ELL: variants seen among roughly 807,000 people sequenced by gnomAD.
The protein encoded by ELL is RNA polymerase II elongation factor ELL.
ELL carries 18 observed loss-of-function variants against 64.0 expected under a neutral mutation model. The observed-to-expected ratio is 0.28, with a 90% CI of 0.19 to 0.42. The LOEUF (loss-of-function observed/expected upper bound fraction) is 0.42. Ranked by LOEUF, ELL falls within the 10% of genes least tolerant of loss-of-function variation. The pLI, the probability that ELL is intolerant of heterozygous loss-of-function variation, is 1.00. For synonymous variants in ELL, 399 were observed against 376.2 expected (o/e 1.06, Z -0.70); for missense variants, 797 against 870.4 (o/e 0.92, Z 1.06).
intron 5 of ELL, among the ~76,000 whole-genome samples, chr19:18,458,892 G>A (rs1337971304): frequency 2.6e-5 from 4 of 152,146 alleles, no homozygotes; most frequent in Non-Finnish European, 4.4e-5. Context: ...CTCCCAATGT[G>A]CTGGGATTCC....
chr19:18,445,499 T>TCCCC (rs1334452995), intron 10 of ELL: 15 of 180,468 alleles, frequency 8.3e-5, no homozygotes, highest in Non-Finnish European at 1.4e-4. Context: ...GGCACTGCTG[T>TCCCC]TGTGGGGGCG....
chr19:18,451,080 A>G, intron 7 of ELL, 105 bp from the exon 8 acceptor site: 1 of 1,386,906 alleles, frequency 7.2e-7, no homozygotes. Context: ...TGCAAGGCCC[A>G]CGCTGGCCAC....
intron 1 of ELL, among the ~76,000 whole-genome samples, chr19:18,494,307 G>T (rs1238762850): frequency 6.6e-6 from 1 of 152,126 alleles, no homozygotes; most frequent in Non-Finnish European, 1.5e-5. Flanking sequence ...AAAAAGGAGA[G>T]ATTTGGATGT....
chr19:18,477,619 A>C (rs1319455246), intron 1 of ELL, among the ~76,000 whole-genome samples: 1 of 152,168 alleles, frequency 6.6e-6, no homozygotes, highest in East Asian at 1.9e-4. Context: ...GGGCATCTTC[A>C]AAGTGCTGAG....
chr19:18,465,126 A>C (rs1320287096), intron 4 of ELL, among the ~76,000 whole-genome samples: 2 of 152,224 alleles, frequency 1.3e-5, no homozygotes, highest in Non-Finnish European at 2.9e-5. Context: ...ACCAACTCAC[A>C]GCTCCTGGAG....
chr19:18,471,439 A>T, intron 2 of ELL: 1 of 387,888 alleles, frequency 2.6e-6, no homozygotes, highest in East Asian at 8.5e-5. Context: ...AGGCTGCAGC[A>T]GGTGGATCAC....
At chr19:18,446,142 G>A (rs899715541) in intron 10 of ELL, 167 bp downstream of exon 10, 69 of 872,716 alleles carry the variant, frequency 7.9e-5, no homozygotes, top group Admixed American at 4.1e-4. Flanking sequence ...CCCCAGGGCC[G>A]GGCCAGAACC....
intron 2 of ELL, among the ~76,000 whole-genome samples, chr19:18,466,774 A>G (rs1245906609): frequency 6.6e-6 from 1 of 152,170 alleles, no homozygotes; most frequent in African/African-American, 2.4e-5. Flanking sequence ...AGACTGACAC[A>G]TGAAGGGCGC....
chr19:18,465,626 G>C (rs1206677023), intron 3 of ELL, 51 bp from the exon 4 acceptor site: 3 of 1,515,412 alleles, frequency 2.0e-6, no homozygotes, highest in Non-Finnish European at 1.8e-6. Context: ...AATGCAGGGA[G>C]GATCCGTTGA....
chr19:18,488,433 C>T (rs946629106), intron 1 of ELL, among the ~76,000 whole-genome samples: 5 of 152,232 alleles, frequency 3.3e-5, no homozygotes, highest in Non-Finnish European at 7.3e-5. Flanking sequence ...CTGTGACCAG[C>T]AGGGCATGTG....
At chr19:18,510,201 C>G (rs1352369471) in intron 1 of ELL, among the ~76,000 whole-genome samples, 1 of 152,198 alleles carries the variant, frequency 6.6e-6, no homozygotes, top group African/African-American at 2.4e-5. Context: ...AACCCCGTCT[C>G]TACTAAAAAC....
chr19:18,504,687 C>A (rs1035465945), intron 1 of ELL, among the ~76,000 whole-genome samples: 10 of 152,210 alleles, frequency 6.6e-5, no homozygotes, highest in Non-Finnish European at 1.5e-4. Flanking sequence ...ATAAACAGAA[C>A]TCTCCCAGCT....
In ELL at chr19:18,506,637, A is replaced by T. The variant is rs562282372; in HGVS notation, c.135+15284T>A. On this transcript the variant is annotated intron_variant, in intron 1 of 11. Transcript: ENST00000262809. ...CTATTTGGGAGGCTGAGGTAGGAGG[A>T]TCACTTGAGCCCGGGAGCCAAGGCT... 2.6e-5 allele frequency among the ~76,000 whole-genome samples: 4 copies of T among 152,246 alleles called. No individual in the cohort carries two copies. In the South Asian group the frequency reaches 8.3e-4, roughly 32 times the overall value.
At chr19:18,491,249 ATTTTTTTTTTTTTTTTTTTTTT>A (rs565016319) in intron 1 of ELL, among the ~76,000 whole-genome samples, 2,958 of 72,512 alleles carry the variant, frequency 0.041, 105 homozygotes, top group Non-Finnish European at 0.063. Flanking sequence ...CACCTGGCTA[ATTTTTTTTTTTTTTTTTTTTTT>A]TTTTTTTTTT....
intron 1 of ELL, among the ~76,000 whole-genome samples, chr19:18,508,497 G>A (rs1443486597): frequency 1.3e-5 from 2 of 152,198 alleles, no homozygotes; most frequent in Non-Finnish European, 2.9e-5. Flanking sequence ...CAGAACAAAA[G>A]GACCCTCCAA....
At chr19:18,454,794 T>C (rs1419364373) in intron 6 of ELL, among the ~76,000 whole-genome samples, 1 of 138,128 alleles carries the variant, frequency 7.2e-6, no homozygotes, top group African/African-American at 2.8e-5. Flanking sequence ...TGAGCAGAGA[T>C]TGCGCCACTG....
intron 4 of ELL, among the ~76,000 whole-genome samples, chr19:18,463,042 A>C (rs1307942201): frequency 2.6e-5 from 4 of 152,194 alleles, no homozygotes; most frequent in African/African-American, 2.4e-5. Context: ...CATCCTTGGG[A>C]ACAGGGTCGG....
At chr19:18,500,204 G>A (rs1264092286) in intron 1 of ELL, among the ~76,000 whole-genome samples, 1 of 151,468 alleles carries the variant, frequency 6.6e-6, no homozygotes, top group Non-Finnish European at 1.5e-5. Context: ...GGAGGTTGCA[G>A]TGAGCTGAGA....
rs530020765 is a variant in ELL, at chr19:18,464,227, T to C, written c.469+1185A>G. Among the ~76,000 whole-genome samples, 10 of 150,484 alleles carry C rather than the reference T, an allele frequency of 6.6e-5. No homozygotes were observed. In the South Asian group the frequency reaches 2.1e-3, roughly 32 times the overall value. On this transcript the variant is annotated intron_variant, in intron 4 of 11. Transcript: ENST00000262809. ...CTACAAAAAATCTAAAAGTTAGCCA[T>C]GTGTGGTGGCACACACCTGTGGTCC...
Sources: allele counts gnomAD v4.1 joint callset (sites outside exome capture counted in the v4.1 genomes callset), GRCh38; gene constraint gnomAD v4.1.1; transcripts MANE v1.5; gene names NCBI Gene and HGNC (gene_info 2026-07-23, HGNC 2026-07-21).